Variants in ZNF423 observed in about 807,000 individuals in gnomAD.
ZNF423 encodes zinc finger protein 423.
Under a neutral mutation model 95.8 loss-of-function variants are expected in ZNF423, and 12 were observed. That is an observed-to-expected ratio of 0.13 (90% CI 0.08 to 0.20). The LOEUF (loss-of-function observed/expected upper bound fraction) is 0.20, where lower values mean the gene tolerates loss of function less well. Among genes scored for constraint, ZNF423 ranks in the 10% least tolerant of loss-of-function variants. The probability of loss-of-function intolerance (pLI) is 1.00; values close to 1 mark genes in which losing one functional copy is unlikely to be tolerated. For missense variants in ZNF423, 1,316 were observed against 1,737.1 expected (o/e 0.76, Z 4.31); for synonymous variants, 749 against 711.9 (o/e 1.05, Z -0.83).
intron 5 of ZNF423, among the ~76,000 whole-genome samples, chr16:49,559,292 A>G (rs2151765780): frequency 6.6e-6 from 1 of 152,382 alleles, no homozygotes; most frequent in Middle Eastern, 3.4e-3. Flanking sequence ...AAAGGGGGTC[A>G]GGGAACAGGG....
rs759803732 is a variant in ZNF423 at position 49,855,570 on chromosome 16, T to TCCTCCG, written c.40+159_40+164dup. Among the ~76,000 whole-genome samples, 187 of 141,304 alleles carry TCCTCCG rather than the reference T, an allele frequency of 1.3e-3. No homozygotes were observed. Among genetic ancestry groups the TCCTCCG allele is most frequent in the African/African-American group, 2.9e-3 (108 of 37,008 alleles). The allele number at this position is 141,304 out of a possible 152,430, so 92.7% of individuals were successfully genotyped here. A position where few individuals can be genotyped will look rare whatever the true frequency, so the allele number is the denominator to read the frequency against. The stretch of plus-strand genomic sequence containing the variant: ...CCTGCTCCCGGCTTCCTCCTCCCCC[T>TCCTCCG]CCTCCGCCTCCGCCTCCGCCTCCGC... On this transcript the variant is annotated intron_variant, in intron 1 of 7. Transcript: ENST00000563137. The surrounding 1 kb of genome is among the most constrained non-coding windows in gnomAD (Gnocchi z 4.7).
intron 5 of ZNF423, among the ~76,000 whole-genome samples, chr16:49,588,645 T>C (rs1253801440): frequency 6.6e-6 from 1 of 152,260 alleles, no homozygotes; most frequent in Admixed American, 6.5e-5. Flanking sequence ...CATTTAATCC[T>C]AAACTGTTTA....
intron 1 of ZNF423, among the ~76,000 whole-genome samples, chr16:49,818,878 C>T (rs567824612): frequency 1.5e-4 from 23 of 152,062 alleles, no homozygotes; most frequent in African/African-American, 5.1e-4. Context: ...CAGGGCAAGA[C>T]CCTGTCTCTA....
chr16:49,608,957 CCAAGA>C lies in ZNF423; in HGVS notation c.3601+17208_3601+17212del, dbSNP rs553444818. On this transcript the variant is annotated intron_variant, in intron 5 of 7. Coordinates refer to ENST00000563137, the MANE Select transcript of ZNF423 (RefSeq NM_001379286.1). ...GCATCAGAGAAACCCTAGCAGGGAG[CCAAGA>C]CAGTCATACTTGCTGGGCAGTAACA... Among the ~76,000 whole-genome samples the C allele has an allele frequency of 6.8e-4, 104 of 152,270 alleles. 1 individual carries two copies. In the South Asian group the frequency reaches 0.021, roughly 30 times the overall value.
chr16:49,764,955 C>T (rs2033903421), intron 2 of ZNF423, among the ~76,000 whole-genome samples: 1 of 148,324 alleles, frequency 6.7e-6, no homozygotes, highest in Non-Finnish European at 1.5e-5. Context: ...GACGCGGTTT[C>T]ACCATGTTGG....
intron 2 of ZNF423, among the ~76,000 whole-genome samples, chr16:49,760,206 A>T (rs1304318427): frequency 1.8e-5 from 2 of 113,294 alleles, no homozygotes; most frequent in Non-Finnish European, 3.4e-5. Context: ...GAATGGGTAG[A>T]TGAGCTGATG....
At chr16:49,587,468 G>A (rs901002784) in intron 5 of ZNF423, among the ~76,000 whole-genome samples, 1 of 152,160 alleles carries the variant, frequency 6.6e-6, no homozygotes, top group African/African-American at 2.4e-5. Context: ...TAGGGGTTGT[G>A]GGGACAGGTG....
intron 5 of ZNF423, among the ~76,000 whole-genome samples, chr16:49,589,669 G>C (rs1406516659): frequency 1.3e-5 from 2 of 152,126 alleles, no homozygotes; most frequent in African/African-American, 4.8e-5. Flanking sequence ...CTGAGCCATA[G>C]CAAGGCTGAT....
Position 49,492,459 on chromosome 16 carries a change from C to G in ZNF423, c.3850-1155G>C, listed in dbSNP as rs1567420725. ...GGCGACCAGGTGATGCCAGTAGCCT[C>G]GCCCGGAGGCCGAGGCCGGGGCCGG... On this transcript the variant is annotated intron_variant, in intron 7 of 7. Coordinates refer to ENST00000563137, the MANE Select transcript of ZNF423 (RefSeq NM_001379286.1). This position sits in a 1 kb window ranked among gnomAD's most constrained non-coding sequence, Gnocchi z 4.2. Among the ~76,000 whole-genome samples, 1 of 151,604 alleles carries G rather than the reference C, an allele frequency of 6.6e-6. No homozygotes were observed. Among genetic ancestry groups the G allele is most frequent in the Non-Finnish European group, 1.5e-5 (1 of 68,002 alleles).
intron 1 of ZNF423, among the ~76,000 whole-genome samples, chr16:49,806,723 G>A (rs2034669222): frequency 6.7e-6 from 1 of 150,030 alleles, no homozygotes; most frequent in Non-Finnish European, 1.5e-5. Context: ...TTTTTTTGTG[G>A]TTAAAAAAAA....
intron 7 of ZNF423, among the ~76,000 whole-genome samples, chr16:49,515,165 T>C (rs929765771): frequency 1.3e-5 from 2 of 152,212 alleles, no homozygotes; most frequent in Non-Finnish European, 2.9e-5. Flanking sequence ...AGCAACAGGG[T>C]TTGCAGGGTC....
chr16:49,707,278 C>T (rs999517374), intron 3 of ZNF423, among the ~76,000 whole-genome samples: 1 of 152,148 alleles, frequency 6.6e-6, no homozygotes, highest in Admixed American at 6.5e-5. Flanking sequence ...CCTCTTGCTC[C>T]TCTCAGACCC....
chr16:49,808,138 T>G (rs1457810540), intron 1 of ZNF423, among the ~76,000 whole-genome samples: 1 of 152,132 alleles, frequency 6.6e-6, no homozygotes, highest in Non-Finnish European at 1.5e-5. Flanking sequence ...CATAGCTAAG[T>G]GCAGCTTCGA....
At chr16:49,512,549 C>T (rs757652186) in intron 7 of ZNF423, among the ~76,000 whole-genome samples, 3 of 152,232 alleles carry the variant, frequency 2.0e-5, no homozygotes, top group Non-Finnish European at 4.4e-5. Flanking sequence ...GGCATCGCCA[C>T]AACATGTGGT....
intron 2 of ZNF423, among the ~76,000 whole-genome samples, chr16:49,741,960 C>T (rs553637095): frequency 6.6e-6 from 1 of 152,328 alleles, no homozygotes; most frequent in East Asian, 1.9e-4. Flanking sequence ...GCCCACCAGG[C>T]GCTGGTCAGC....
intron 5 of ZNF423, among the ~76,000 whole-genome samples, chr16:49,549,046 T>C (rs932806825): frequency 6.6e-6 from 1 of 152,206 alleles, no homozygotes; most frequent in African/African-American, 2.4e-5. Context: ...AAAGTAGTTA[T>C]TGTCAGATGT....
intron 2 of ZNF423, among the ~76,000 whole-genome samples, chr16:49,756,894 A>G (rs1244707977): frequency 2.0e-5 from 3 of 152,214 alleles, no homozygotes; most frequent in Non-Finnish European, 4.4e-5. Flanking sequence ...CTCAGAACCC[A>G]TGTCCACATG....
At chr16:49,737,215 G>A (rs1170150397) in intron 2 of ZNF423, among the ~76,000 whole-genome samples, 3 of 149,738 alleles carry the variant, frequency 2.0e-5, no homozygotes, top group South Asian at 2.1e-4. Flanking sequence ...TTCAAAGCAC[G>A]TGCCAGGAAG....
chr16:49,590,832 C>G (rs1970991671), intron 5 of ZNF423, among the ~76,000 whole-genome samples: 1 of 152,212 alleles, frequency 6.6e-6, no homozygotes, highest in Non-Finnish European at 1.5e-5. Context: ...CCAGCCGGCC[C>G]GGTGAGGGCC....
Sources: allele counts gnomAD v4.1 joint callset (sites outside exome capture counted in the v4.1 genomes callset), GRCh38; gene constraint gnomAD v4.1.1; non-coding constraint Gnocchi (gnomAD v3.1); transcripts MANE v1.5; gene names NCBI Gene and HGNC (gene_info 2026-07-23, HGNC 2026-07-21).